The following UVRAG variants were observed in gnomAD, a reference collection of about 807,000 sequenced individuals.
The protein encoded by UVRAG is UV radiation resistance-associated gene protein.
Under a neutral mutation model 78.0 loss-of-function variants are expected in UVRAG, and 19 were observed. The ratio of observed to expected loss-of-function variants is 0.24; its 90% CI spans 0.17 to 0.36. UVRAG has a LOEUF of 0.36. Ranked by LOEUF, UVRAG falls within the 10% of genes least tolerant of loss-of-function variation. The pLI is 1.00. For missense variants in UVRAG, 740 were observed against 853.8 expected, an observed-to-expected ratio of 0.87 and a Z score of 1.66; for synonymous variants, 323 against 324.6, an observed-to-expected ratio of 1.00 and a Z score of 0.05.
At chr11:76,065,898 A>G in intron 13 of UVRAG, 110 bp downstream of exon 13, 1 of 927,060 alleles carries the variant, frequency 1.1e-6, no homozygotes, top group Non-Finnish European at 1.7e-6. Context: ...CTCGCATTTA[A>G]CCAGTTACAT....
intron 13 of UVRAG, among the ~76,000 whole-genome samples, chr11:76,089,505 A>G (rs537257134): frequency 2.0e-5 from 3 of 152,198 alleles, no homozygotes; most frequent in Non-Finnish European, 4.4e-5. Context: ...AGAATGCATG[A>G]CGCGATGCCA....
rs1208474585 is a variant in UVRAG at position 75,928,120 on chromosome 11, T to A, written c.593+16081T>A. On this transcript the variant is annotated intron_variant, in intron 6 of 14. Transcript: ENST00000356136. Reference sequence around the variant, plus strand: ...CCCATCTCTAAAAAGAAAAAAAAAATGCCTTTGGTGTGGAGAATAGACTGG... The same window carrying A: ...CCCATCTCTAAAAAGAAAAAAAAAAAGCCTTTGGTGTGGAGAATAGACTGG... 2.6e-5 allele frequency among the ~76,000 whole-genome samples: 4 copies of A among 151,320 alleles called. No homozygotes were observed. The East Asian group carries it at 7.8e-4, about 29-fold the overall frequency.
intron 12 of UVRAG, among the ~76,000 whole-genome samples, chr11:76,043,916 A>C (rs1950697241): frequency 1.3e-5 from 2 of 152,230 alleles, no homozygotes; most frequent in African/African-American, 4.8e-5. Flanking sequence ...AGTATGGGGA[A>C]TAGTGTCATT....
intron 8 of UVRAG, among the ~76,000 whole-genome samples, chr11:75,997,433 T>C (rs568978242): frequency 3.3e-5 from 5 of 152,346 alleles, no homozygotes; most frequent in African/African-American, 1.2e-4. Flanking sequence ...CTGACTTGTG[T>C]TCTTGCTGAA....
chr11:76,061,464 A>C (rs1649222472), intron 12 of UVRAG, among the ~76,000 whole-genome samples: 1 of 152,170 alleles, frequency 6.6e-6, no homozygotes, highest in South Asian at 2.1e-4. Context: ...CGTTCTTTGC[A>C]ATAAATCTTG....
chr11:75,935,517 T>C (rs1291823797), intron 6 of UVRAG, among the ~76,000 whole-genome samples: 5 of 152,170 alleles, frequency 3.3e-5, no homozygotes, highest in African/African-American at 1.2e-4. Context: ...TTGACCATTA[T>C]TTCCATGGAT....
At chr11:76,094,202 T>C (rs933499989) in intron 13 of UVRAG, among the ~76,000 whole-genome samples, 3 of 152,218 alleles carry the variant, frequency 2.0e-5, no homozygotes, top group African/African-American at 7.2e-5. Context: ...ATCCCAGGGA[T>C]GAAGCCCACT....
intron 7 of UVRAG, among the ~76,000 whole-genome samples, chr11:75,976,047 A>G (rs1195552818): frequency 6.6e-6 from 1 of 152,154 alleles, no homozygotes; most frequent in African/African-American, 2.4e-5. Flanking sequence ...TCCCATCAAT[A>G]CCTAATTTAT....
intron 1 of UVRAG, among the ~76,000 whole-genome samples, chr11:75,824,563 A>T (rs1264354001): frequency 6.6e-6 from 1 of 152,150 alleles, no homozygotes; most frequent in Non-Finnish European, 1.5e-5. Flanking sequence ...CGTATGGTAG[A>T]ATGAAAAAAA....
At chr11:75,877,908 G>T (rs1946838633) in intron 3 of UVRAG, among the ~76,000 whole-genome samples, 1 of 148,724 alleles carries the variant, frequency 6.7e-6, no homozygotes, top group Non-Finnish European at 1.5e-5. Flanking sequence ...GGCCTGGCGG[G>T]GGGCTGACCC....
intron 13 of UVRAG, among the ~76,000 whole-genome samples, chr11:76,091,648 T>G (rs1441459788): frequency 2.0e-5 from 3 of 152,150 alleles, no homozygotes; most frequent in Non-Finnish European, 2.9e-5. Flanking sequence ...GGCTTTCATA[T>G]TTTTAATTTC....
intron 11 of UVRAG, among the ~76,000 whole-genome samples, chr11:76,012,520 T>TA (rs1262134471): frequency 6.6e-6 from 1 of 152,184 alleles, no homozygotes; most frequent in Non-Finnish European, 1.5e-5. Flanking sequence ...TAGTATTCTA[T>TA]AGCAGCTGCT....
chr11:76,001,133 A>G (rs894326344), intron 8 of UVRAG, among the ~76,000 whole-genome samples: 3 of 152,214 alleles, frequency 2.0e-5, no homozygotes, highest in African/African-American at 7.2e-5. Flanking sequence ...AAAATCATAC[A>G]AAGTATGTTT....
chr11:75,840,986 C>A (rs1323675054), intron 1 of UVRAG, among the ~76,000 whole-genome samples: 2 of 152,094 alleles, frequency 1.3e-5, no homozygotes, highest in Admixed American at 1.3e-4. Flanking sequence ...AGTTGAGTAT[C>A]TTTACCTTCT....
At chr11:75,939,920 T>G (rs1377815078) in intron 6 of UVRAG, among the ~76,000 whole-genome samples, 1 of 152,214 alleles carries the variant, frequency 6.6e-6, no homozygotes, top group Non-Finnish European at 1.5e-5. Flanking sequence ...ACTCATTTTC[T>G]TCAGATAGTA....
chr11:75,907,399 GA>G (rs1376163236), intron 5 of UVRAG, among the ~76,000 whole-genome samples: 2 of 146,516 alleles, frequency 1.4e-5, no homozygotes, highest in Non-Finnish European at 3.0e-5. Context: ...CCTAGTTTGT[GA>G]TTTTTTTTTT....
At chr11:75,902,156 A>G (rs1947517866) in intron 5 of UVRAG, among the ~76,000 whole-genome samples, 1 of 152,236 alleles carries the variant, frequency 6.6e-6, no homozygotes, top group South Asian at 2.1e-4. Context: ...GCAGCAGATC[A>G]TTAGAAATTC....
At position 76,008,839 on chromosome 11, in the gene UVRAG, C is replaced by G; in HGVS notation, c.1032C>G (p.Val344=). Residue 344 remains valine (V), a synonymous_variant, in exon 11 of 15, where the codon GTC becomes GTG. Transcript: ENST00000356136. ...NEHKDYFVCG[V]KLPNSEDFQA... ...ATAAGGATTACTTTGTATGCGGTGT[C>G]AAGTTGCCTAATTCTGAGGACTTCC... The G allele has an allele frequency of 1.3e-6, 2 of 1,496,148 alleles. No homozygotes were observed. Among genetic ancestry groups the G allele is most frequent in the South Asian group, 2.6e-5 (2 of 76,364 alleles). 92.7% of individuals were successfully genotyped at this position (1,496,148 alleles called of 1,614,324 possible). A position where few individuals can be genotyped will look rare whatever the true frequency, so the allele number is the denominator to read the frequency against.
At chr11:76,132,944 C>T (rs1952538223) in intron 14 of UVRAG, among the ~76,000 whole-genome samples, 1 of 152,184 alleles carries the variant, frequency 6.6e-6, no homozygotes, top group Non-Finnish European at 1.5e-5. Context: ...GGTAGACCGG[C>T]TTGGTTAAAT....
Sources: gnomAD v4.1 joint callset for allele counts (sites outside exome capture counted in the v4.1 genomes callset) on GRCh38, gnomAD v4.1.1 for gene constraint, MANE v1.5 for transcripts, NCBI Gene and HGNC (gene_info 2026-07-23, HGNC 2026-07-21) for gene names.